SAMD11: variants seen among roughly 807,000 people sequenced by gnomAD.
SAMD11 encodes the protein sterile alpha motif domain-containing protein 11.
In SAMD11, 77 loss-of-function variants were observed where a neutral mutation model predicts 64.4. That is an observed-to-expected ratio of 1.20 (90% CI 0.99 to 1.44). The LOEUF (loss-of-function observed/expected upper bound fraction) is 1.44, where lower values mean the gene tolerates loss of function less well. SAMD11 is among the 40% of genes most tolerant of loss of function. SAMD11 has a pLI of 0.00. For missense variants in SAMD11, 1,402 were observed against 943.3 expected (o/e 1.49, Z -6.37); for synonymous variants, 658 against 421.9 (o/e 1.56, Z -6.86).
At position 942,209 on chromosome 1, in the gene SAMD11, C is replaced by G; in HGVS notation, c.1432C>G (p.Pro478Ala). ...PHVALGPHLRPPFLGVPSALC... is the reference protein window; with the variant it reads ...PHVALGPHLRAPFLGVPSALC... ...CGTCGCCCTGGGCCCCCATCTCAGGCCCCCCTTCCTGGGGGTGCCCTCGGC... is the reference window on the plus strand; with the variant it reads ...CGTCGCCCTGGGCCCCCATCTCAGGGCCCCCTTCCTGGGGGTGCCCTCGGC... Residue 478 changes from proline to alanine, a missense_variant, in exon 9 of 14, where the codon CCC becomes GCC. Physicochemically the swap from Pro to Ala is conservative, Grantham distance 27. Transcript: ENST00000616016. 1.5e-6 allele frequency: 2 copies of G among 1,362,370 alleles called. No individual in the cohort carries two copies. The highest frequency in any genetic ancestry group is 1.9e-6 in the Non-Finnish European group (2 of 1,051,472). The allele number at this position is 1,362,370 out of a possible 1,614,324, so 84.4% of individuals were successfully genotyped here. A position where few individuals can be genotyped will look rare whatever the true frequency, so the allele number is the denominator to read the frequency against.
chr1:928,109 G>A (rs550743999), intron 2 of SAMD11, among the ~76,000 whole-genome samples: 67 of 152,088 alleles, frequency 4.4e-4, no homozygotes, highest in Non-Finnish European at 4.0e-4. Flanking sequence ...AAGGGAGGTG[G>A]GAGGCCGGGT....
rs1297630125 is a variant in SAMD11 at position 944,416 on chromosome 1, C to T, written c.*263C>T. 4.4e-6 allele frequency: 5 copies of T among 1,130,782 alleles called. No individual in the cohort carries two copies. In the South Asian group the frequency reaches 6.3e-5, roughly 14 times the overall value. 70.0% of individuals were successfully genotyped at this position (1,130,782 alleles called of 1,614,324 possible). ...GGGGCCTGCAGGCCTCCCCCTGGAA[C>T]TGGGACTGGTCTCGGTCTGCTGACG... is the stretch of plus-strand genomic sequence containing the variant. On this transcript the variant is annotated 3_prime_UTR_variant, in exon 14 of 14. Coordinates refer to ENST00000616016, the MANE Select transcript of SAMD11 (RefSeq NM_001385641.1).
At position 943,395 on chromosome 1, in the gene SAMD11, T is replaced by A; in HGVS notation, c.2178+18T>A. On this transcript the variant is annotated intron_variant, in intron 12 of 13. Coordinates refer to ENST00000616016, the MANE Select transcript of SAMD11 (RefSeq NM_001385641.1). ...ACACTCGGGTAAGGGGGGGCCCCAG[T>A]TCCTGGGGCGGGGCTGGAGCTGGCT... 9 of 1,511,832 alleles carry A rather than the reference T, an allele frequency of 6.0e-6. No homozygotes were observed. The highest frequency in any genetic ancestry group is 8.0e-6 in the Non-Finnish European group (9 of 1,124,168). The allele number at this position is 1,511,832 out of a possible 1,614,324, so 93.7% of individuals were successfully genotyped here.
At chr1:935,274 G>A (rs1641371272) in intron 4 of SAMD11, among the ~76,000 whole-genome samples, 1 of 152,166 alleles carries the variant, frequency 6.6e-6, no homozygotes, top group South Asian at 2.1e-4. Context: ...GTGTGTGCGT[G>A]GGGCGCGTCT....
At chr1:938,752 C>T (rs1194890175) in intron 5 of SAMD11, among the ~76,000 whole-genome samples, 2 of 152,200 alleles carry the variant, frequency 1.3e-5, no homozygotes, top group East Asian at 3.8e-4. Context: ...TTAACTTGCA[C>T]AAGAGGCTAG....
Position 942,854 on chromosome 1 carries a change from A to AGGCTCTGGGCACAAG in SAMD11, c.1850_1864dup (p.Gln621_Asp622insGlyLeuTrpAlaGln). Reference sequence around the variant, plus strand: ...CGAGTCCAAGGAGATGACGGGGGCTAGGCTCTGGGCACAAGATGGCTCGGA... The same window carrying AGGCTCTGGGCACAAG: ...CGAGTCCAAGGAGATGACGGGGGCTAGGCTCTGGGCACAAGGGCTCTGGGCACAAGATGGCTCGGA... On this transcript the variant is annotated inframe_insertion, in exon 11 of 14. Transcript: ENST00000616016. The AGGCTCTGGGCACAAG allele has an allele frequency of 5.2e-6, 8 of 1,552,228 alleles. No homozygotes were observed. The highest frequency in any genetic ancestry group is 7.0e-6 in the Non-Finnish European group (8 of 1,147,988).
chr1:943,405 G>A (rs187587205), intron 12 of SAMD11, 28 bp downstream of exon 12: 73 of 1,502,658 alleles, frequency 4.9e-5, no homozygotes, highest in Non-Finnish European at 5.7e-5. Flanking sequence ...TTCCTGGGGC[G>A]GGGCTGGAGC....
intron 2 of SAMD11, among the ~76,000 whole-genome samples, chr1:927,929 C>T (rs1188577165): frequency 3.3e-5 from 5 of 152,372 alleles, no homozygotes; most frequent in African/African-American, 1.2e-4. Flanking sequence ...GGTGTGTCCC[C>T]ACGCCCGACT....
chr1:941,302 G>GT lies in SAMD11; in HGVS notation c.1354_1355insT (p.Glu452ValfsTer166). 6.3e-7 allele frequency: 1 copy of GT among 1,584,168 alleles called. No individual in the cohort carries two copies. The highest frequency in any genetic ancestry group is 8.6e-7 in the Non-Finnish European group (1 of 1,165,950). On this transcript the variant is annotated frameshift_variant, in exon 8 of 14. Coordinates refer to ENST00000616016, the MANE Select transcript of SAMD11 (RefSeq NM_001385641.1). LOFTEE classifies it high-confidence loss of function. ...CCCAGCTGCCGCCCCGTCCTTCTCG[G>GT]AGAGGTACTGGGGTGGCTGCCGTTC...
chr1:933,864 C>CAG (rs200586552), intron 4 of SAMD11, among the ~76,000 whole-genome samples: 3,118 of 142,660 alleles, frequency 0.022, 405 homozygotes, highest in African/African-American at 0.091. Context: ...TGCTTAGGGG[C>CAG]AGCCTTGGAT....
At position 941,262 on chromosome 1, in the gene SAMD11, C is replaced by T. The variant is rs1268283703; in HGVS notation, c.1314C>T (p.His438=). Residue 438 remains histidine, a synonymous_variant, in exon 8 of 14, where the codon CAC becomes CAT. Transcript: ENST00000616016. ...GTCGGAAGCAGGGCCTGGCTCAGCA[C>T]CGGGAGGGCGCCGCCCCAGCTGCCG... is the stretch of plus-strand genomic sequence containing the variant. ...GQRRKQGLAQ[H]REGAAPAAAP... 3.1e-6 allele frequency: 5 copies of T among 1,600,150 alleles called. No homozygotes were observed. Among genetic ancestry groups the T allele is most frequent in the African/African-American group, 2.7e-5 (2 of 74,654 alleles).
At chr1:925,796 C>A in intron 1 of SAMD11, 126 bp from the exon 2 acceptor site, 1 of 684,456 alleles carries the variant, frequency 1.5e-6, no homozygotes, top group Non-Finnish European at 2.6e-6. Flanking sequence ...GGAAGTCGGG[C>A]CGAGGTGGGT....
chr1:943,636 T>A (rs1641962316), intron 12 of SAMD11, 62 bp from the exon 13 acceptor site: 2 of 1,448,560 alleles, frequency 1.4e-6, no homozygotes, highest in East Asian at 5.0e-5. Context: ...TCCTCTTGGC[T>A]CTGCTGGGCT....
chr1:943,769 G>T lies in SAMD11; in HGVS notation c.2250G>T (p.Met750Ile), dbSNP rs1166791577. 1.2e-6 allele frequency: 2 copies of T among 1,612,342 alleles called. No individual in the cohort carries two copies. Among genetic ancestry groups the T allele is most frequent in the East Asian group, 4.5e-5 (2 of 44,870 alleles). Residue 750 changes from methionine to isoleucine, a missense_variant, in exon 13 of 14, where the codon ATG (methionine) becomes ATT (isoleucine). Physicochemically the swap from Met to Ile is conservative, Grantham distance 10. Coordinates refer to ENST00000616016, the MANE Select transcript of SAMD11 (RefSeq NM_001385641.1). ...LLTEEHLLTN[M>I]GLKLGPALKI... The stretch of plus-strand genomic sequence containing the variant: ...CGGAGGAGCACCTGCTGACCAACAT[G>T]GGGCTGAAGCTGGGGCCCGCCCTCA...
At chr1:927,381 T>C (rs1287443284) in intron 2 of SAMD11, among the ~76,000 whole-genome samples, 1 of 152,014 alleles carries the variant, frequency 6.6e-6, no homozygotes, top group Non-Finnish European at 1.5e-5. Context: ...CCAGCGTCAG[T>C]CTCTTCCGAC....
At chr1:939,487 C>T (rs952778905) in intron 7 of SAMD11, 75 bp downstream of exon 7, 6 of 1,572,550 alleles carry the variant, frequency 3.8e-6, no homozygotes, top group Admixed American at 1.7e-5. Flanking sequence ...GCATGATCTC[C>T]CCTCATCACC....
chr1:926,711 CCT>C (rs1210451934), intron 2 of SAMD11, among the ~76,000 whole-genome samples: 3 of 152,108 alleles, frequency 2.0e-5, no homozygotes, highest in Non-Finnish European at 2.9e-5. Context: ...ACCTGCACCC[CCT>C]ACCCAGTCTC....
At chr1:929,263 C>T (rs751939113) in intron 2 of SAMD11, among the ~76,000 whole-genome samples, 20 of 152,172 alleles carry the variant, frequency 1.3e-4, no homozygotes, top group Non-Finnish European at 1.8e-4. Context: ...CCACAGCGGG[C>T]GTGTCTGTGC....
chr1:930,064 A>G (rs1022853859), intron 2 of SAMD11, 91 bp from the exon 3 acceptor site: 4 of 1,418,368 alleles, frequency 2.8e-6, no homozygotes, highest in South Asian at 1.4e-5. Flanking sequence ...CCCCCGGGAG[A>G]TGGAACGGCC....
Sources: gnomAD v4.1 joint callset for allele counts (sites outside exome capture counted in the v4.1 genomes callset) on GRCh38, gnomAD v4.1.1 for gene constraint, MANE v1.5 for transcripts, NCBI Gene and HGNC (gene_info 2026-07-23, HGNC 2026-07-21) for gene names.